Variants in ADAMTS17 observed in about 807,000 individuals in gnomAD.
ADAMTS17 encodes the protein ADAM metallopeptidase with thrombospondin type 1 motif 17, also known as A disintegrin and metalloproteinase with thrombospondin motifs 17.
Under a neutral mutation model 141.5 loss-of-function variants are expected in ADAMTS17, and 113 were observed. The ratio of observed to expected loss-of-function variants is 0.80; its 90% CI spans 0.69 to 0.93. ADAMTS17 has a LOEUF of 0.93. Among genes scored for constraint, ADAMTS17 ranks in the 40% least tolerant of loss-of-function variants. The pLI is 0.00. For synonymous variants in ADAMTS17, 768 were observed against 630.6 expected (o/e 1.22, Z -3.27); for missense variants, 1,659 against 1,517.9 (o/e 1.09, Z -1.54).
chr15:100,287,342 A>ATT (rs2044479781), intron 3 of ADAMTS17, among the ~76,000 whole-genome samples: 1 of 152,242 alleles, frequency 6.6e-6, no homozygotes. Flanking sequence ...CAGACAAGCT[A>ATT]AAGAAAAAAA....
intron 8 of ADAMTS17, among the ~76,000 whole-genome samples, chr15:100,176,275 T>C (rs991627648): frequency 6.6e-6 from 1 of 152,172 alleles, no homozygotes; most frequent in Non-Finnish European, 1.5e-5. Context: ...TCAGTGCTGC[T>C]TTAACGAGGA....
chr15:100,239,452 G>GATCTC lies in ADAMTS17; in HGVS notation c.1075+14683_1075+14684insGAGAT, dbSNP rs1286393069. 6.8e-3 allele frequency among the ~76,000 whole-genome samples: 1,036 copies of GATCTC among 152,300 alleles called. 10 individuals carry two copies. Among genetic ancestry groups the GATCTC allele is most frequent in the African/African-American group, 0.023 (949 of 41,578 alleles). On this transcript the variant is annotated intron_variant, in intron 7 of 21. Coordinates refer to ENST00000268070, the MANE Select transcript of ADAMTS17 (RefSeq NM_139057.4). ...AAAGCAACGCTCTTCAGCTCTCCAAGGCTAAGGGAAAAGAAGGTGCAGATC... is the reference window on the plus strand; with the variant it reads ...AAAGCAACGCTCTTCAGCTCTCCAAGATCTCGCTAAGGGAAAAGAAGGTGCAGATC...
chr15:100,151,186 T>C (rs1227690612), intron 10 of ADAMTS17, among the ~76,000 whole-genome samples: 1 of 151,998 alleles, frequency 6.6e-6, no homozygotes, highest in Admixed American at 6.5e-5. Context: ...TTCCCACTGG[T>C]CTCTGGAGGG....
chr15:100,203,761 T>C (rs2041429155), intron 7 of ADAMTS17, among the ~76,000 whole-genome samples: 2 of 152,078 alleles, frequency 1.3e-5, no homozygotes, highest in African/African-American at 2.4e-5. Context: ...TAGCCAGGCA[T>C]GGTGGCAGGT....
At chr15:100,118,876 C>CA (rs1352338520) in intron 12 of ADAMTS17, among the ~76,000 whole-genome samples, 1 of 152,132 alleles carries the variant, frequency 6.6e-6, no homozygotes, top group East Asian at 1.9e-4. Flanking sequence ...TGGGCCCCCA[C>CA]AAAACTCTAT....
At position 99,973,113 on chromosome 15, in the gene ADAMTS17, A is replaced by C. The variant is rs2581365; in HGVS notation, c.*1289T>G. 0.64 allele frequency: 96,336 copies of C among 151,698 alleles called. 30,783 individuals are homozygous for C. The highest frequency in any genetic ancestry group is 0.66 in the Non-Finnish European group (44,844 of 67,944). 9.4% of individuals were successfully genotyped at this position (151,698 alleles called of 1,614,324 possible). The stretch of plus-strand genomic sequence containing the variant: ...GTGCTACCATCCTCTGTGCTCTCAA[A>C]GAGGCCACTCTGCTTGTCTGCTGCC... On this transcript the variant is annotated 3_prime_UTR_variant, in exon 22 of 22. Transcript: ENST00000268070.
At chr15:100,269,897 T>C (rs1273314123) in intron 4 of ADAMTS17, among the ~76,000 whole-genome samples, 1 of 152,212 alleles carries the variant, frequency 6.6e-6, no homozygotes, top group Non-Finnish European at 1.5e-5. Flanking sequence ...ATTCCTTTTC[T>C]ACTTCAGCCA....
At chr15:100,323,961 G>A (rs1020877106) in intron 3 of ADAMTS17, among the ~76,000 whole-genome samples, 2 of 151,028 alleles carry the variant, frequency 1.3e-5, no homozygotes, top group African/African-American at 2.4e-5. Flanking sequence ...GAATAAGCCA[G>A]AGCCATGATA....
chr15:100,110,620 T>C (rs972000021), intron 13 of ADAMTS17, among the ~76,000 whole-genome samples: 1 of 152,158 alleles, frequency 6.6e-6, no homozygotes, highest in Non-Finnish European at 1.5e-5. Flanking sequence ...CTTCTGTAAG[T>C]AATTGAGCAA....
At chr15:100,024,288 G>A (rs752115306) in intron 18 of ADAMTS17, among the ~76,000 whole-genome samples, 4 of 152,160 alleles carry the variant, frequency 2.6e-5, no homozygotes, top group Non-Finnish European at 5.9e-5. Flanking sequence ...TAGAGATGTT[G>A]TCTCATTTTG....
chr15:100,055,143 C>T (rs1254779981), intron 15 of ADAMTS17, among the ~76,000 whole-genome samples: 1 of 152,174 alleles, frequency 6.6e-6, no homozygotes, highest in Non-Finnish European at 1.5e-5. Context: ...ACTCCCTGTA[C>T]ACACAACTGG....
intron 15 of ADAMTS17, among the ~76,000 whole-genome samples, chr15:100,057,545 C>T (rs1289467363): frequency 6.6e-6 from 1 of 152,192 alleles, no homozygotes; most frequent in African/African-American, 2.4e-5. Context: ...AGGCTCGTCC[C>T]TGGTTTGTTG....
chr15:100,201,632 G>T (rs544485031), intron 7 of ADAMTS17, among the ~76,000 whole-genome samples: 3 of 152,200 alleles, frequency 2.0e-5, no homozygotes, highest in Non-Finnish European at 4.4e-5. Flanking sequence ...CTCATTGTGG[G>T]TCTATTTTTA....
chr15:99,983,145 A>G (rs1287146431), intron 20 of ADAMTS17, among the ~76,000 whole-genome samples: 2 of 152,154 alleles, frequency 1.3e-5, no homozygotes, highest in East Asian at 3.9e-4. Flanking sequence ...TTCTTTAATA[A>G]TAACAGTAAC....
Position 100,155,227 on chromosome 15 carries a change from G to T in ADAMTS17, c.1275C>A (p.Asp425Glu), listed in dbSNP as rs1413857707. ...GEWVKGRNPS[D>E]LSWSSCSRDD... ...CTCGGCTGCAGGAGGACCAAGAGAGGTCACTTGGGTTCCGGCCTTTCACCC... is the reference window on the plus strand; with the variant it reads ...CTCGGCTGCAGGAGGACCAAGAGAGTTCACTTGGGTTCCGGCCTTTCACCC... Residue 425 changes from aspartate (D) to glutamate (E), a missense_variant, in exon 9 of 22, where the codon GAC (aspartate) becomes GAA (glutamate). Asp to Glu is a conservative substitution (Grantham distance 45). Transcript: ENST00000268070. 1.2e-6 allele frequency: 2 copies of T among 1,614,226 alleles called. No individual in the cohort carries two copies. Among genetic ancestry groups the T allele is most frequent in the Admixed American group, 3.3e-5 (2 of 60,032 alleles).
intron 18 of ADAMTS17, among the ~76,000 whole-genome samples, chr15:100,006,476 G>A (rs1053593073): frequency 6.6e-5 from 10 of 152,232 alleles, no homozygotes; most frequent in South Asian, 4.1e-4. Context: ...CATCATCAGG[G>A]TCACACTTTT....
intron 18 of ADAMTS17, among the ~76,000 whole-genome samples, chr15:100,006,083 G>T (rs1301316884): frequency 6.6e-6 from 1 of 152,156 alleles, no homozygotes; most frequent in African/African-American, 2.4e-5. Flanking sequence ...ACTTCAGTAT[G>T]ATATCATTTT....
At chr15:100,083,499 T>C (rs2034886255) in intron 15 of ADAMTS17, among the ~76,000 whole-genome samples, 1 of 152,178 alleles carries the variant, frequency 6.6e-6, no homozygotes, top group Non-Finnish European at 1.5e-5. Flanking sequence ...AGGTTATCTT[T>C]TGAAGACCTG....
At chr15:100,049,635 C>A (rs112282349) in intron 17 of ADAMTS17, among the ~76,000 whole-genome samples, 1 of 152,148 alleles carries the variant, frequency 6.6e-6, no homozygotes, top group Non-Finnish European at 1.5e-5. Context: ...AAACACTGCA[C>A]GGCCATGCCT....
Sources: gnomAD v4.1 joint callset for allele counts (sites outside exome capture counted in the v4.1 genomes callset) on GRCh38, gnomAD v4.1.1 for gene constraint, MANE v1.5 for transcripts, NCBI Gene and HGNC (gene_info 2026-07-23, HGNC 2026-07-21) for gene names.